ANKS1A: variants seen among roughly 807,000 people sequenced by gnomAD.
ANKS1A encodes ankyrin repeat and sterile alpha motif domain containing 1A.
A neutral mutation model predicts 120.3 loss-of-function variants in ANKS1A; 55 were observed. That is an observed-to-expected ratio of 0.46 (90% confidence interval 0.37 to 0.57). The LOEUF is 0.57. Among genes scored for constraint, ANKS1A ranks in the 20% least tolerant of loss-of-function variants. The pLI is 0.00. For missense variants in ANKS1A, 1,123 were observed against 1,480.3 expected, an observed-to-expected ratio of 0.76 and a Z score of 3.96; for synonymous variants, 590 against 604.7, an observed-to-expected ratio of 0.98 and a Z score of 0.36.
At chr6:34,910,095 G>A (rs1263160364) in intron 1 of ANKS1A, among the ~76,000 whole-genome samples, 24 of 152,194 alleles carry the variant, frequency 1.6e-4, no homozygotes, top group Non-Finnish European at 4.4e-5. Context: ...TTGGAAGATG[G>A]ATCAAAGGAG....
chr6:34,981,786 C>T lies in ANKS1A; in HGVS notation c.532C>T (p.Arg178Cys), dbSNP rs897299237. The change falls in exon 4 of 24, where the codon CGC becomes TGC. Residue 178 changes from arginine (R) to cysteine (C), a missense_variant. Around this residue, in one of 3 missense-constraint regions of ANKS1A, gnomAD observed 146 missense variants for 267.8 expected, o/e 0.55. Transcript: ENST00000360359. ...LLEELTDPTMRNNKFETPLDL... is the reference protein window; with the variant it reads ...LLEELTDPTMCNNKFETPLDL... Reference sequence around the variant, plus strand: ...AGAGGAGCTGACGGACCCCACCATGCGCAACAACAAATTCGAGACCCCTTT... The same window carrying T: ...AGAGGAGCTGACGGACCCCACCATGTGCAACAACAAATTCGAGACCCCTTT... 15 of 1,613,992 alleles carry T rather than the reference C, an allele frequency of 9.3e-6. No individual in the cohort carries two copies. The highest frequency in any genetic ancestry group is 4.0e-5 in the African/African-American group (3 of 74,890).
chr6:35,025,697 C>T (rs1774589541), intron 11 of ANKS1A, among the ~76,000 whole-genome samples: 1 of 151,140 alleles, frequency 6.6e-6, no homozygotes, highest in South Asian at 2.1e-4. Context: ...TTCATTTTTC[C>T]TTTTCATTCT....
Position 35,086,190 on chromosome 6 carries a change from G to A in ANKS1A, c.3303+254G>A. On this transcript the variant is annotated intron_variant, in intron 22 of 23. Coordinates refer to ENST00000360359, the MANE Select transcript of ANKS1A (RefSeq NM_015245.3). This position sits in a 1 kb window ranked among gnomAD's most constrained non-coding sequence, Gnocchi z 5.1. ...TCCCCCAAGGGCAAGGCCGTCAAGG[G>A]GCTGCAGAGAGCGGCCTGCAGGCAG... 1 of 1,309,090 alleles carries A rather than the reference G, an allele frequency of 7.6e-7. No homozygotes were observed. The highest frequency in any genetic ancestry group is 1.0e-6 in the Non-Finnish European group (1 of 965,296). The allele number at this position is 1,309,090 out of a possible 1,614,324, so 81.1% of individuals were successfully genotyped here. A position where few individuals can be genotyped will look rare whatever the true frequency, so the allele number is the denominator to read the frequency against.
intron 1 of ANKS1A, among the ~76,000 whole-genome samples, chr6:34,957,210 T>C (rs939832018): frequency 2.0e-5 from 3 of 152,256 alleles, no homozygotes; most frequent in Non-Finnish European, 4.4e-5. Flanking sequence ...TAAAAGTACA[T>C]GCTCAGTTTG....
chr6:34,983,516 A>C (rs1772026115), intron 7 of ANKS1A, 91 bp downstream of exon 7: 2 of 1,134,378 alleles, frequency 1.8e-6, no homozygotes, highest in South Asian at 1.5e-5. Flanking sequence ...TAATTTAAAT[A>C]ATAATTTTGG....
chr6:35,092,413 G>GACTT (rs1362486437), downstream of ANKS1A, among the ~76,000 whole-genome samples: 1 of 152,212 alleles, frequency 6.6e-6, no homozygotes, highest in Non-Finnish European at 1.5e-5. Context: ...ACAAGGTCCA[G>GACTT]ACTTGGAAAA....
At position 35,090,462 on chromosome 6, in the gene ANKS1A, T is replaced by C. The variant is rs928107267; in HGVS notation, c.*1853T>C. On this transcript the variant is annotated 3_prime_UTR_variant, in exon 24 of 24. Coordinates refer to ENST00000360359, the MANE Select transcript of ANKS1A (RefSeq NM_015245.3). ...TACGATGCACTCCTCAAGCTGTCTT[T>C]TGTGCTTAGATCATCCATAGGTGTT... is the stretch of plus-strand genomic sequence containing the variant. 1 of 1,166,384 alleles carries C rather than the reference T, an allele frequency of 8.6e-7. No homozygotes were observed. Among genetic ancestry groups the C allele is most frequent in the Non-Finnish European group, 1.1e-6 (1 of 929,244 alleles). 72.3% of individuals were successfully genotyped at this position (1,166,384 alleles called of 1,614,324 possible).
chr6:35,075,300 A>G (rs907708169), intron 13 of ANKS1A, among the ~76,000 whole-genome samples: 5 of 152,248 alleles, frequency 3.3e-5, no homozygotes, highest in Admixed American at 2.0e-4. Flanking sequence ...AGTTGGGTAC[A>G]CTTAGCTACA....
intron 1 of ANKS1A, among the ~76,000 whole-genome samples, chr6:34,930,015 C>A (rs1768907282): frequency 6.6e-6 from 1 of 151,990 alleles, no homozygotes; most frequent in Non-Finnish European, 1.5e-5. Flanking sequence ...TGGGATTTTT[C>A]TTTTTAGTTA....
In ANKS1A at chr6:35,086,965, A is replaced by C; in HGVS notation, c.3317A>C (p.Asp1106Ala). The part of the protein sequence containing the change: ...GVRKSALEPP[D>A]MDQDAQSHAS... ...CTTGTTTGGCAGCTGGAACCACCTG[A>C]TATGGACCAAGATGCCCAATCCCAT... Residue 1106 changes from aspartate to alanine, a missense_variant, in exon 23 of 24, where the codon GAT becomes GCT. Coordinates refer to ENST00000360359, the MANE Select transcript of ANKS1A (RefSeq NM_015245.3). The surrounding 1 kb of genome is among the most constrained non-coding windows in gnomAD (Gnocchi z 5.1). 1 of 1,614,100 alleles carries C rather than the reference A, an allele frequency of 6.2e-7. No homozygotes were observed.
chr6:35,096,035 T>C (rs1778462182), downstream of ANKS1A, among the ~76,000 whole-genome samples: 1 of 152,206 alleles, frequency 6.6e-6, no homozygotes, highest in Non-Finnish European at 1.5e-5. Flanking sequence ...CCTCACTCCA[T>C]TTGTTATTGA....
chr6:35,071,821 T>C (rs1404092784), intron 13 of ANKS1A, among the ~76,000 whole-genome samples: 1 of 152,226 alleles, frequency 6.6e-6, no homozygotes, highest in African/African-American at 2.4e-5. Flanking sequence ...CCTGCGGTCC[T>C]GCCATTTGCC....
At chr6:34,945,398 T>C (rs1032393360) in intron 1 of ANKS1A, among the ~76,000 whole-genome samples, 1 of 152,164 alleles carries the variant, frequency 6.6e-6, no homozygotes, top group African/African-American at 2.4e-5. Context: ...TTAAGTGAAT[T>C]TTTATGAAAG....
intron 1 of ANKS1A, among the ~76,000 whole-genome samples, chr6:34,917,738 C>T (rs952742174): frequency 4.6e-5 from 7 of 152,314 alleles, no homozygotes; most frequent in East Asian, 1.9e-4. Context: ...ACCTAAGACC[C>T]GAAGGCCTAT....
chr6:35,018,113 C>T, intron 11 of ANKS1A, 54 bp downstream of exon 11: 1 of 1,553,338 alleles, frequency 6.4e-7, no homozygotes, highest in Non-Finnish European at 8.8e-7. Context: ...GGCCGCAGCC[C>T]ACCACAGCTC....
At chr6:34,909,017 C>T (rs1767776414) in intron 1 of ANKS1A, among the ~76,000 whole-genome samples, 2 of 152,226 alleles carry the variant, frequency 1.3e-5, no homozygotes, top group Non-Finnish European at 2.9e-5. Context: ...ACATACACAT[C>T]TGTTATCATC....
intron 9 of ANKS1A, 85 bp downstream of exon 9, chr6:34,989,401 T>G: frequency 8.9e-7 from 1 of 1,128,548 alleles, no homozygotes; most frequent in South Asian, 1.4e-5. Flanking sequence ...AGACTTTGCT[T>G]TCTCATCTTC....
At chr6:34,991,767 CACATATATATACACACAT>C (rs1772582088) in intron 9 of ANKS1A, among the ~76,000 whole-genome samples, 2 of 29,730 alleles carry the variant, frequency 6.7e-5, no homozygotes, top group Admixed American at 4.1e-4. Context: ...TATATATATA[CACATATATATACACACAT>C]ATATATATAC....
chr6:34,943,917 A>G (rs746041231), intron 1 of ANKS1A, among the ~76,000 whole-genome samples: 62 of 152,336 alleles, frequency 4.1e-4, no homozygotes, highest in Middle Eastern at 3.4e-3. Flanking sequence ...CAGGAGCATG[A>G]TTACTGAATC....
Sources: gnomAD v4.1 joint callset for allele counts (sites outside exome capture counted in the v4.1 genomes callset) on GRCh38, gnomAD v4.1.1 for gene constraint, gnomAD v4.1.1 regional missense constraint, Gnocchi (gnomAD v3.1) non-coding constraint, MANE v1.5 for transcripts, NCBI Gene and HGNC (gene_info 2026-07-23, HGNC 2026-07-21) for gene names.